MGAT4B: variants seen among roughly 807,000 people sequenced by gnomAD.
MGAT4B encodes the protein alpha-1,3-mannosyl-glycoprotein 4-beta-N-acetylglucosaminyltransferase B, also known as N-acetylglucosaminyltransferase IVb.
MGAT4B carries 38 observed loss-of-function variants against 73.9 expected under a neutral mutation model. The observed-to-expected ratio is 0.51, with a 90% CI of 0.40 to 0.67. The LOEUF is 0.67. MGAT4B is among the 30% of genes least tolerant of loss of function. The pLI is 0.00. For missense variants in MGAT4B, 686 were observed against 735.2 expected, an observed-to-expected ratio of 0.93 and a Z score of 0.77; for synonymous variants, 373 against 313.5, an observed-to-expected ratio of 1.19 and a Z score of -2.01.
At chr5:179,799,469 G>A (rs1253301366) in intron 9 of MGAT4B, 37 bp downstream of exon 9, 4 of 1,612,528 alleles carry the variant, frequency 2.5e-6, no homozygotes, top group Admixed American at 1.7e-5. Context: ...CCTGCCCCTT[G>A]GCCCTGCCCC....
At position 179,801,258 on chromosome 5, in the gene MGAT4B, A is replaced by G; in HGVS notation, c.558+76T>C. 6.6e-7 allele frequency: 1 copy of G among 1,504,524 alleles called. No individual in the cohort carries two copies. 93.2% of individuals were successfully genotyped at this position (1,504,524 alleles called of 1,614,324 possible). A position where few individuals can be genotyped will look rare whatever the true frequency, so the allele number is the denominator to read the frequency against. Reference sequence around the variant, plus strand: ...GAACTTCCGACAGCTTTCTCCTCGGAATGGTTCCTGCTGTCAGTTCTGCAC... The same window carrying G: ...GAACTTCCGACAGCTTTCTCCTCGGGATGGTTCCTGCTGTCAGTTCTGCAC... On this transcript the variant is annotated intron_variant, in intron 4 of 14. Transcript: ENST00000292591. The surrounding 1 kb of genome is among the most constrained non-coding windows in gnomAD (Gnocchi z 4.8).
At chr5:179,800,975 T>A in intron 4 of MGAT4B, 22 bp from the exon 5 acceptor site, 1 of 1,613,202 alleles carries the variant, frequency 6.2e-7, no homozygotes, top group Non-Finnish European at 8.5e-7. Flanking sequence ...CCAAGCACCC[T>A]CCCTTAGCCC....
intron 1 of MGAT4B, 104 bp from the exon 2 acceptor site, chr5:179,802,073 C>A: frequency 6.3e-7 from 1 of 1,592,174 alleles, no homozygotes; most frequent in South Asian, 1.1e-5. Flanking sequence ...TCTGCAATAG[C>A]TCATTGACAT....
intron 14 of MGAT4B, 27 bp downstream of exon 14, chr5:179,798,138 G>T: frequency 2.5e-6 from 4 of 1,590,060 alleles, no homozygotes; most frequent in Non-Finnish European, 3.4e-6. Flanking sequence ...TGCTCCCCGT[G>T]CCTGGCCTGG....
chr5:179,798,217 G>A lies in MGAT4B; in HGVS notation c.1571C>T (p.Ala524Val), dbSNP rs1260559693. 1.9e-6 allele frequency: 3 copies of A among 1,604,734 alleles called. No individual in the cohort carries two copies. Among genetic ancestry groups the A allele is most frequent in the Non-Finnish European group, 2.6e-6 (3 of 1,174,870 alleles). ...EVDPAFGPLEALRLSIQTDSP... is the reference protein window; with the variant it reads ...EVDPAFGPLEVLRLSIQTDSP... The stretch of plus-strand genomic sequence containing the variant: ...GTCCGTCTGGATCGAGAGGCGCAGT[G>A]CTTCCAGAGGGCCGAAGGCTGGGTC... The change falls in exon 14 of 15, where the codon GCA becomes GTA. Residue 524 changes from alanine to valine, a missense_variant. Physicochemically the swap from Ala to Val is moderately conservative, Grantham distance 64. Transcript: ENST00000292591.
In MGAT4B at chr5:179,798,894, G is replaced by A. The variant is rs766318263; in HGVS notation, c.1343+34C>T. 24 of 1,610,986 alleles carry A rather than the reference G, an allele frequency of 1.5e-5. 1 individual carries two copies. The highest frequency in any genetic ancestry group is 2.0e-5 in the Non-Finnish European group (23 of 1,178,568). Reference sequence around the variant, plus strand: ...TACACCCTGGGGGCCACCCAGCCCCGCCCCCATCGCAGACCCATGGTGCTG... The same window carrying A: ...TACACCCTGGGGGCCACCCAGCCCCACCCCCATCGCAGACCCATGGTGCTG... On this transcript the variant is annotated intron_variant, in intron 11 of 14. Coordinates refer to ENST00000292591, the MANE Select transcript of MGAT4B (RefSeq NM_014275.5).
At chr5:179,799,476 C>A (rs777156028) in intron 9 of MGAT4B, 30 bp downstream of exon 9, 3 of 1,612,966 alleles carry the variant, frequency 1.9e-6, no homozygotes, top group Non-Finnish European at 2.5e-6. Context: ...CTTGGCCCTG[C>A]CCCTGCCAGT....
intron 12 of MGAT4B, 33 bp downstream of exon 12, chr5:179,798,480 G>A (rs2291417): frequency 0.033 from 53,974 of 1,613,176 alleles, 1,067 homozygotes; most frequent in African/African-American, 0.044. Flanking sequence ...CAGGAGGCCC[G>A]GCTTCAGTGC....
Position 179,806,531 on chromosome 5 carries a change from G to A in MGAT4B, c.53C>T (p.Ala18Val), listed in dbSNP as rs1239212407. 7.5e-7 allele frequency: 1 copy of A among 1,339,784 alleles called. No individual in the cohort carries two copies. Among genetic ancestry groups the A allele is most frequent in the Admixed American group, 2.6e-5 (1 of 38,962 alleles). The allele number at this position is 1,339,784 out of a possible 1,614,324, so 83.0% of individuals were successfully genotyped here. The change falls in exon 1 of 15, where the codon GCC becomes GTC. Residue 18 changes from alanine (A) to valine (V), a missense_variant. Coordinates refer to ENST00000292591, the MANE Select transcript of MGAT4B (RefSeq NM_014275.5). The surrounding 1 kb of genome is among the most constrained non-coding windows in gnomAD (Gnocchi z 4.6). Reference sequence around the variant, plus strand: ...CGCGTACCAGGACAGCGAGAGGAAGGCGCACAGGCAGAAGAGCAGCAGCGT... The same window carrying A: ...CGCGTACCAGGACAGCGAGAGGAAGACGCACAGGCAGAAGAGCAGCAGCGT... ...FLTLLLFCLC[A>V]FLSLSWYAAL...
Position 179,800,526 on chromosome 5 carries a change from G to T in MGAT4B, c.677C>A (p.Ser226Tyr). ...GTCCCCAAAGGACTCTCGGAGGCGGGAGAAGTCAGGGTAGAAGTGGGGGGA... is the reference window on the plus strand; with the variant it reads ...GTCCCCAAAGGACTCTCGGAGGCGGTAGAAGTCAGGGTAGAAGTGGGGGGA... Reference protein sequence around the residue: ...SPSPHFYPDFSRLRESFGDPK... With the variant: ...SPSPHFYPDFYRLRESFGDPK... The change falls in exon 6 of 15, where the codon TCC becomes TAC. Residue 226 changes from serine to tyrosine, a missense_variant. Coordinates refer to ENST00000292591, the MANE Select transcript of MGAT4B (RefSeq NM_014275.5). 6.2e-7 allele frequency: 1 copy of T among 1,612,098 alleles called. No individual in the cohort carries two copies. The highest frequency in any genetic ancestry group is 1.3e-5 in the African/African-American group (1 of 74,980).
In MGAT4B at chr5:179,800,057, G is replaced by A. The variant is rs200055333; in HGVS notation, c.807C>T (p.Asp269=). 102 of 1,613,980 alleles carry A rather than the reference G, an allele frequency of 6.3e-5. No homozygotes were observed. The East Asian group carries it at 2.1e-3, about 33-fold the overall frequency. The change falls in exon 8 of 15, where the codon GAC becomes GAT. Residue 269 remains aspartate, a synonymous_variant. Transcript: ENST00000292591. The part of the protein sequence containing the change: ...KGIYYVQLED[D]IVAKPNYLST... ...TCAGGTAGTTGGGCTTGGCCACGATGTCATCCTCCAGCTGCGAGGTGAGCA... is the reference window on the plus strand; with the variant it reads ...TCAGGTAGTTGGGCTTGGCCACGATATCATCCTCCAGCTGCGAGGTGAGCA...
rs778726361 is a variant in MGAT4B at position 179,799,133 on chromosome 5, G to A, written c.1150-12C>T. On this transcript the variant is annotated splice_polypyrimidine_tract_variant and intron_variant, in intron 10 of 14. Transcript: ENST00000292591. ...CCAAAGTCTTTGTCCTGCAGCGGAG[G>A]AGGGACAGCAGTGATGGCGTGGGCC... 2.5e-6 allele frequency: 4 copies of A among 1,614,004 alleles called. No individual in the cohort carries two copies. The highest frequency in any genetic ancestry group is 3.3e-5 in the Admixed American group (2 of 60,032).
Position 179,801,644 on chromosome 5 carries a change from G to A in MGAT4B, c.334C>T (p.Leu112=). ...GGCAGGTGATGGAAGACGGTGGGCA[G>A]GTGCAGCACGTGCCGGTGTGAGCCG... ...WNGSHRHVLH[L]PTVFHHLPHL... Residue 112 remains leucine, a synonymous_variant, in exon 3 of 15, where the codon CTG becomes TTG. Coordinates refer to ENST00000292591, the MANE Select transcript of MGAT4B (RefSeq NM_014275.5). The surrounding 1 kb of genome is among the most constrained non-coding windows in gnomAD (Gnocchi z 4.8). 1 of 1,606,510 alleles carries A rather than the reference G, an allele frequency of 6.2e-7. No individual in the cohort carries two copies. Among genetic ancestry groups the A allele is most frequent in the Middle Eastern group, 1.7e-4 (1 of 6,046 alleles).
chr5:179,798,976 G>T lies in MGAT4B; in HGVS notation c.1295C>A (p.Ala432Glu). Reference sequence around the variant, plus strand: ...GAAGCGGAAGCGGATGAAGTCCCCCGCGGCAGGGGTGAAGGCCCAGAAGAA... The same window carrying T: ...GAAGCGGAAGCGGATGAAGTCCCCCTCGGCAGGGGTGAAGGCCCAGAAGAA... ...EDFFWAFTPAAGDFIRFRFFQ... is the reference protein window; with the variant it reads ...EDFFWAFTPAEGDFIRFRFFQ... The change falls in exon 11 of 15, where the codon GCG (alanine) becomes GAG (glutamate). Residue 432 changes from alanine to glutamate, a missense_variant. By Grantham distance (107) the Ala-to-Glu change is moderately radical (BLOSUM62 -1). Around this residue, in one of 2 missense-constraint regions of MGAT4B, gnomAD observed 449 missense variants for 536.8 expected, o/e 0.84. Transcript: ENST00000292591. 6.2e-7 allele frequency: 1 copy of T among 1,613,742 alleles called. No homozygotes were observed. The highest frequency in any genetic ancestry group is 1.1e-5 in the South Asian group (1 of 91,090).
In MGAT4B at chr5:179,801,563, G is replaced by A. The variant is rs1406356606; in HGVS notation, c.415C>T (p.Arg139Cys). The A allele has an allele frequency of 6.2e-7, 1 of 1,608,610 alleles. No homozygotes were observed. ...LQPAVRVGQG[R>C]TGVSVVMGIP... ...CTGTCTGCGCCCATACCTCCGGTGC[G>A]GCCCTGGCCCACGCGCACCGCGGGC... The change falls in exon 3 of 15, where the codon CGC (arginine) becomes TGC (cysteine). Residue 139 changes from arginine (R) to cysteine (C), a missense_variant. By Grantham distance (180) the Arg-to-Cys change is radical. Coordinates refer to ENST00000292591, the MANE Select transcript of MGAT4B (RefSeq NM_014275.5). This position sits in a 1 kb window ranked among gnomAD's most constrained non-coding sequence, Gnocchi z 4.8.
rs374162408 is a variant in MGAT4B, at chr5:179,799,239, A to C, written c.1113T>G (p.Thr371=). 8.7e-6 allele frequency: 14 copies of C among 1,613,914 alleles called. No homozygotes were observed. The highest frequency in any genetic ancestry group is 1.2e-5 in the Non-Finnish European group (14 of 1,180,044). The change falls in exon 10 of 15, where the codon ACT becomes ACG. Residue 371 remains threonine (T), a synonymous_variant. Coordinates refer to ENST00000292591, the MANE Select transcript of MGAT4B (RefSeq NM_014275.5). ...GGATCTTGCCAGCCAGCGAGGAGTG[A>C]GTGCCCACGTGCTGGAAGAGGGACG... ...FKPSLFQHVG[T]HSSLAGKIQK...
At chr5:179,803,172 G>A in intron 1 of MGAT4B, 1 of 985,582 alleles carries the variant, frequency 1.0e-6, no homozygotes, top group Non-Finnish European at 1.2e-6. Context: ...GGTTTAAGGA[G>A]CAGGGAGCCA....
rs1263416115 is a variant in MGAT4B at position 179,806,392 on chromosome 5, CG to C, written c.97+94del. The C allele has an allele frequency of 1.4e-6, 1 of 712,092 alleles. No individual in the cohort carries two copies. The highest frequency in any genetic ancestry group is 5.7e-5 in the Admixed American group (1 of 17,666). The allele number at this position is 712,092 out of a possible 1,614,324, so 44.1% of individuals were successfully genotyped here. ...CCGGGCGGGGAAGGGGCGCCTGCGTCGGCTTCCGGCCGCCTTCCGCGGCCAC... is the reference window on the plus strand; with the variant it reads ...CCGGGCGGGGAAGGGGCGCCTGCGTCGCTTCCGGCCGCCTTCCGCGGCCAC... On this transcript the variant is annotated intron_variant, in intron 1 of 14. Transcript: ENST00000292591. This position sits in a 1 kb window ranked among gnomAD's most constrained non-coding sequence, Gnocchi z 4.6.
Position 179,797,938 on chromosome 5 carries a change from A to G in MGAT4B, c.*107T>C, listed in dbSNP as rs1336526490. On this transcript the variant is annotated 3_prime_UTR_variant, in exon 15 of 15. Transcript: ENST00000292591. Reference sequence around the variant, plus strand: ...CCGGCCCAAGCCCGACGCCAGGCAGAACCCTTTGGGCGGGGCCGTATCTGG... The same window carrying G: ...CCGGCCCAAGCCCGACGCCAGGCAGGACCCTTTGGGCGGGGCCGTATCTGG... 6.8e-7 allele frequency: 1 copy of G among 1,465,962 alleles called. No individual in the cohort carries two copies. Among genetic ancestry groups the G allele is most frequent in the Non-Finnish European group, 9.3e-7 (1 of 1,073,244 alleles). The allele number at this position is 1,465,962 out of a possible 1,614,324, so 90.8% of individuals were successfully genotyped here. A position where few individuals can be genotyped will look rare whatever the true frequency, so the allele number is the denominator to read the frequency against.
Sources: allele counts gnomAD v4.1 joint callset, GRCh38; gene constraint gnomAD v4.1.1; regional missense constraint gnomAD v4.1.1; non-coding constraint Gnocchi (gnomAD v3.1); transcripts MANE v1.5; gene names NCBI Gene and HGNC (gene_info 2026-07-23, HGNC 2026-07-21).